The following ADAM28 variants were observed in gnomAD, a reference collection of about 807,000 sequenced individuals.
ADAM28 encodes disintegrin and metalloproteinase domain-containing protein 28.
In ADAM28, 105 loss-of-function variants were observed where a neutral mutation model predicts 101.2. That is an observed-to-expected ratio of 1.04 (90% CI 0.89 to 1.22). ADAM28 has a LOEUF of 1.22. Ranked by LOEUF, ADAM28 falls within the 50% of genes most tolerant of loss-of-function variation. ADAM28 has a pLI of 0.00. For missense variants in ADAM28, 1,028 were observed against 945.4 expected (o/e 1.09, Z -1.15); for synonymous variants, 322 against 310.6 (o/e 1.04, Z -0.39).
Position 24,335,458 on chromosome 8 carries a change from G to A in ADAM28, c.1384G>A (p.Gly462Arg), listed in dbSNP as rs777598691. 21 of 1,611,774 alleles carry A rather than the reference G, an allele frequency of 1.3e-5. No homozygotes were observed. Among genetic ancestry groups the A allele is most frequent in the African/African-American group, 4.0e-5 (3 of 74,822 alleles). ...TGTTTTTCTACAGTTTAAAAAGGCT[G>A]GGATGGTGTGCAGACCAGCAAAAGA... ...CCEKCQFKKA[G>R]MVCRPAKDEC... Residue 462 changes from glycine (G) to arginine (R), a missense_variant, in exon 14 of 23, where the codon GGG becomes AGG. By Grantham distance (125) the Gly-to-Arg change is moderately radical. Coordinates refer to ENST00000265769, the MANE Select transcript of ADAM28 (RefSeq NM_014265.6).
intron 2 of ADAM28, among the ~76,000 whole-genome samples, chr8:24,301,576 G>C (rs1808780303): frequency 6.6e-6 from 1 of 152,126 alleles, no homozygotes; most frequent in African/African-American, 2.4e-5. Context: ...TTTCTAAGTG[G>C]AGAGATAGGG....
At chr8:24,351,527 A>G (rs1368005986) in intron 20 of ADAM28, 1 of 613,712 alleles carries the variant, frequency 1.6e-6, no homozygotes, top group African/African-American at 1.8e-5. Flanking sequence ...TAAAGAGAAC[A>G]AAGAATGCAC....
intron 1 of ADAM28, chr8:24,295,812 C>G (rs758172671): frequency 6.6e-5 from 10 of 152,080 alleles, no homozygotes; most frequent in Non-Finnish European, 1.2e-4. Context: ...CTGAACTATC[C>G]CTGTTATGAT....
intron 4 of ADAM28, 71 bp downstream of exon 4, chr8:24,310,312 G>T: frequency 1.5e-6 from 2 of 1,364,154 alleles, no homozygotes; most frequent in Non-Finnish European, 2.0e-6. Context: ...TCCTTGCCAG[G>T]CAAATAATAG....
At position 24,355,029 on chromosome 8, in the gene ADAM28, G is replaced by GTTAAA. The variant is rs1228433805; in HGVS notation, c.*630_*634dup. On this transcript the variant is annotated 3_prime_UTR_variant, in exon 23 of 23. Transcript: ENST00000265769. ...CACTTTTTAAATGGAGAAAATTTCA[G>GTTAAA]TTAAATTAATAGGATAAACCAGGTT... 1 of 152,550 alleles carries GTTAAA rather than the reference G, an allele frequency of 6.6e-6. No homozygotes were observed. Among genetic ancestry groups the GTTAAA allele is most frequent in the Non-Finnish European group, 1.5e-5 (1 of 68,024 alleles). 9.4% of individuals were successfully genotyped at this position (152,550 alleles called of 1,614,324 possible). A position where few individuals can be genotyped will look rare whatever the true frequency, so the allele number is the denominator to read the frequency against.
In ADAM28 at chr8:24,329,823, A is replaced by G. The variant is rs529889654; in HGVS notation, c.973-162A>G. Among the ~76,000 whole-genome samples the G allele has an allele frequency of 6.6e-5, 10 of 151,440 alleles. No homozygotes were observed. In the South Asian group the frequency reaches 2.1e-3, roughly 32 times the overall value. On this transcript the variant is annotated intron_variant, in intron 10 of 22. Coordinates refer to ENST00000265769, the MANE Select transcript of ADAM28 (RefSeq NM_014265.6). ...TATGCTGTGATGGGCATTCAGTTCCATTTAGTACTCTCTCTCTCTTGCTCT... is the reference window on the plus strand; with the variant it reads ...TATGCTGTGATGGGCATTCAGTTCCGTTTAGTACTCTCTCTCTCTTGCTCT...
At chr8:24,328,607 C>G (rs10103093) in intron 10 of ADAM28, among the ~76,000 whole-genome samples, 29,344 of 151,816 alleles carry the variant, frequency 0.19, 3,104 homozygotes, top group East Asian at 0.35. Flanking sequence ...GAATTCATAA[C>G]AGATGATCGT....
intron 1 of ADAM28, among the ~76,000 whole-genome samples, chr8:24,297,250 A>G (rs1585477647): frequency 6.6e-6 from 1 of 152,130 alleles, no homozygotes; most frequent in South Asian, 2.1e-4. Context: ...TTGGAAATAA[A>G]TTACATAACT....
chr8:24,330,834 A>T (rs2278466), intron 11 of ADAM28, among the ~76,000 whole-genome samples: 1 of 152,078 alleles, frequency 6.6e-6, no homozygotes, highest in Non-Finnish European at 1.5e-5. Context: ...ATTCTGAGAC[A>T]TGTAAATAAA....
chr8:24,353,949 G>GGAGA (rs1816479160), intron 22 of ADAM28, 117 bp downstream of exon 22: 1 of 624,110 alleles, frequency 1.6e-6, no homozygotes, highest in Admixed American at 3.0e-5. Context: ...TGTATGATTT[G>GGAGA]GAGATGGGTG....
chr8:24,338,735 A>G (rs1192246963), intron 14 of ADAM28, among the ~76,000 whole-genome samples: 1 of 152,226 alleles, frequency 6.6e-6, no homozygotes, highest in African/African-American at 2.4e-5. Flanking sequence ...CGTTTAAGAC[A>G]GAATTACTTG....
intron 2 of ADAM28, 45 bp from the exon 3 acceptor site, chr8:24,309,845 CAAAT>C (rs771965683): frequency 7.5e-7 from 1 of 1,332,368 alleles, no homozygotes; most frequent in South Asian, 1.2e-5. Context: ...ATATAATAGT[CAAAT>C]GAATATGTTT....
At position 24,339,497 on chromosome 8, in the gene ADAM28, C is replaced by T; in HGVS notation, c.1599C>T (p.Asn533=). ...GTEVADKSCY[N]RNEGGSKYGY... ...AGGTTGCAGATAAGTCATGTTACAA[C>T]AGGAATGAAGGTGGGTCAAAGTACG... Residue 533 remains asparagine, a synonymous_variant, in exon 15 of 23, where the codon AAC becomes AAT. Coordinates refer to ENST00000265769, the MANE Select transcript of ADAM28 (RefSeq NM_014265.6). The T allele has an allele frequency of 1.9e-6, 3 of 1,613,472 alleles. No homozygotes were observed. The highest frequency in any genetic ancestry group is 2.5e-6 in the Non-Finnish European group (3 of 1,179,642).
chr8:24,354,393 C>G lies in ADAM28; in HGVS notation c.2317C>G (p.Pro773Ala). 3 of 1,600,226 alleles carry G rather than the reference C, an allele frequency of 1.9e-6. No individual in the cohort carries two copies. The highest frequency in any genetic ancestry group is 2.6e-6 in the Non-Finnish European group (3 of 1,173,136). Residue 773 changes from proline (P) to alanine (A), a missense_variant, in exon 23 of 23, where the codon CCA (proline) becomes GCA (alanine). Physicochemically the swap from Pro to Ala is conservative, Grantham distance 27 (BLOSUM62 -1). Coordinates refer to ENST00000265769, the MANE Select transcript of ADAM28 (RefSeq NM_014265.6). Reference protein sequence around the residue: ...NPVSTPKDSNPKA With the variant: ...NPVSTPKDSNAKA ...GTTATGTCTTTTTTAGGACTCAAATCCAAAAGCATGAAGCAACAGCTAAGC... is the reference window on the plus strand; with the variant it reads ...GTTATGTCTTTTTTAGGACTCAAATGCAAAAGCATGAAGCAACAGCTAAGC...
At chr8:24,339,894 C>A (rs1381034436) in intron 15 of ADAM28, among the ~76,000 whole-genome samples, 1 of 152,042 alleles carries the variant, frequency 6.6e-6, no homozygotes, top group Non-Finnish European at 1.5e-5. Context: ...CCAGGGATTT[C>A]CCAGTATAAA....
chr8:24,325,887 A>AAACAAACAAAC lies in ADAM28; in HGVS notation c.891-665_891-664insCAAACAAACAA, dbSNP rs1554514065. 4.0e-3 allele frequency among the ~76,000 whole-genome samples: 548 copies of AAACAAACAAAC among 135,958 alleles called. 4 individuals are homozygous for AAACAAACAAAC. Among genetic ancestry groups the AAACAAACAAAC allele is most frequent in the Non-Finnish European group, 6.2e-3 (391 of 62,854 alleles). 89.2% of individuals were successfully genotyped at this position (135,958 alleles called of 152,430 possible). A position where few individuals can be genotyped will look rare whatever the true frequency, so the allele number is the denominator to read the frequency against. On this transcript the variant is annotated intron_variant, in intron 9 of 22. Transcript: ENST00000265769. ...TACAGATAGCAAAAAAAAAAAAAAA[A>AAACAAACAAAC]AAAAAAAAAAAAACCAAAAAACAAA...
Position 24,341,696 on chromosome 8 carries a change from C to T in ADAM28, c.1769C>T (p.Pro590Leu), listed in dbSNP as rs1229935924. Residue 590 changes from proline to leucine, a missense_variant, in exon 16 of 23, where the codon CCT (proline) becomes CTT (leucine). By Grantham distance (98) the Pro-to-Leu change is moderately conservative. Coordinates refer to ENST00000265769, the MANE Select transcript of ADAM28 (RefSeq NM_014265.6). ...TTCCTGACATGTAAAACATTTGATC[C>T]TGAAGACACAAGTCAAGAAATAGGC... ...VTFLTCKTFD[P>L]EDTSQEIGMV... The T allele has an allele frequency of 6.2e-7, 1 of 1,613,852 alleles. No individual in the cohort carries two copies. Among genetic ancestry groups the T allele is most frequent in the Non-Finnish European group, 8.5e-7 (1 of 1,179,842 alleles).
In ADAM28 at chr8:24,334,638, A is replaced by G. The variant is rs1813779457; in HGVS notation, c.1372-808A>G. Among the ~76,000 whole-genome samples the G allele has an allele frequency of 2.6e-5, 4 of 152,308 alleles. No individual in the cohort carries two copies. The South Asian group carries it at 8.3e-4, about 32-fold the overall frequency. On this transcript the variant is annotated intron_variant, in intron 13 of 22. Coordinates refer to ENST00000265769, the MANE Select transcript of ADAM28 (RefSeq NM_014265.6). ...ATTCTCTGACTGGAGCTTTGGGTTG[A>G]ATTTGTAGGATCTCACATGCTTGCA...
intron 18 of ADAM28, among the ~76,000 whole-genome samples, chr8:24,346,770 A>C (rs1485266625): frequency 6.6e-6 from 1 of 152,122 alleles, no homozygotes; most frequent in African/African-American, 2.4e-5. Flanking sequence ...GCCTCTTTTC[A>C]GTCTGATCTC....
Sources: gnomAD v4.1 joint callset for allele counts (sites outside exome capture counted in the v4.1 genomes callset) on GRCh38, gnomAD v4.1.1 for gene constraint, MANE v1.5 for transcripts, NCBI Gene and HGNC (gene_info 2026-07-23, HGNC 2026-07-21) for gene names.